Variants in NTRK2 observed in about 807,000 individuals in gnomAD.
NTRK2 encodes the protein neurotrophic receptor tyrosine kinase 2, also known as BDNF/NT-3 growth factors receptor.
Under a neutral mutation model 94.5 loss-of-function variants are expected in NTRK2, and 13 were observed. That is an observed-to-expected ratio of 0.14 (90% confidence interval 0.09 to 0.22). NTRK2 has a LOEUF of 0.22. Ranked by LOEUF, NTRK2 falls within the 10% of genes least tolerant of loss-of-function variation. The pLI is 1.00. For missense variants in NTRK2, 639 were observed against 1,071.2 expected, an observed-to-expected ratio of 0.60 and a Z score of 5.63; for synonymous variants, 372 against 407.4, an observed-to-expected ratio of 0.91 and a Z score of 1.05.
At position 84,707,818 on chromosome 9, in the gene NTRK2, T is replaced by C. The variant is rs199672014; in HGVS notation, c.360-26T>C. On this transcript the variant is annotated intron_variant, in intron 4 of 18. Coordinates refer to ENST00000277120, the MANE Select transcript of NTRK2 (RefSeq NM_006180.6). ...CCTAAAATGTAACATTTTAAATTCA[T>C]GTTTAATGTTTTTGATTCCTTTCAG... 5 of 1,566,472 alleles carry C rather than the reference T, an allele frequency of 3.2e-6. No individual in the cohort carries two copies. In the East Asian group the frequency reaches 6.7e-5, roughly 21 times the overall value.
intron 12 of NTRK2, among the ~76,000 whole-genome samples, chr9:84,777,687 C>T (rs78691757): frequency 0.018 from 2,791 of 152,198 alleles, 102 homozygotes; most frequent in African/African-American, 0.064. Flanking sequence ...ACATTCCCAC[C>T]ATGAAGTCAG....
chr9:84,795,855 G>A (rs2069255203), intron 12 of NTRK2, among the ~76,000 whole-genome samples: 1 of 152,120 alleles, frequency 6.6e-6, no homozygotes, highest in Non-Finnish European at 1.5e-5. Flanking sequence ...GCTCTCCTAT[G>A]GCTCTGTTGG....
intron 12 of NTRK2, among the ~76,000 whole-genome samples, chr9:84,793,967 C>A (rs1280667697): frequency 6.6e-6 from 1 of 152,192 alleles, no homozygotes. Flanking sequence ...TGGCCCTTTG[C>A]AGAAAAAACT....
chr9:84,805,275 G>C (rs1233903427), intron 12 of NTRK2, among the ~76,000 whole-genome samples: 2 of 152,108 alleles, frequency 1.3e-5, no homozygotes, highest in African/African-American at 4.8e-5. Flanking sequence ...TCCTTTAAAA[G>C]CCTTCCTGAC....
chr9:84,675,323 C>CTTTTTTT (rs1564023863), intron 2 of NTRK2, among the ~76,000 whole-genome samples: 5 of 69,556 alleles, frequency 7.2e-5, no homozygotes, highest in African/African-American at 2.8e-4. Context: ...TTCTTTCTTT[C>CTTTTTTT]CTTTTTTTTT....
intron 12 of NTRK2, among the ~76,000 whole-genome samples, chr9:84,849,357 A>C (rs566053838): frequency 6.2e-4 from 94 of 152,188 alleles, no homozygotes; most frequent in Non-Finnish European, 1.1e-3. Context: ...ATTTCTGCTT[A>C]CTTTTTCATT....
At chr9:84,807,359 A>G (rs897337966) in intron 12 of NTRK2, among the ~76,000 whole-genome samples, 2 of 152,168 alleles carry the variant, frequency 1.3e-5, no homozygotes, top group Admixed American at 1.3e-4. Flanking sequence ...AAATCAGCAA[A>G]TAGCAGAGGT....
At chr9:84,692,885 A>G (rs1304815630) in intron 2 of NTRK2, among the ~76,000 whole-genome samples, 1 of 152,086 alleles carries the variant, frequency 6.6e-6, no homozygotes. Context: ...GATTAGTTGG[A>G]GCATTAAAGT....
In NTRK2 at chr9:84,926,106, TTTCCTTCCTTCCTTCCTTCC is replaced by T. The variant is rs1197073231; in HGVS notation, c.1634-8009_1634-7990del. Among the ~76,000 whole-genome samples the T allele has an allele frequency of 1.0e-3, 109 of 108,804 alleles. 2 individuals are homozygous for T. The highest frequency in any genetic ancestry group is 2.7e-3 in the South Asian group (8 of 2,982). The allele number at this position is 108,804 out of a possible 152,430, so 71.4% of individuals were successfully genotyped here. On this transcript the variant is annotated intron_variant, in intron 14 of 18. Transcript: ENST00000277120. ...TTCCCTTCCTTCCTTCCTTCCTTCC[TTTCCTTCCTTCCTTCCTTCC>T]TTCCTTCCTTCCTTCCTTCCTTCCT...
At chr9:84,939,783 G>A (rs2078342083) in intron 15 of NTRK2, among the ~76,000 whole-genome samples, 1 of 152,080 alleles carries the variant, frequency 6.6e-6, no homozygotes, top group South Asian at 2.1e-4. Flanking sequence ...CTACCTATGG[G>A]TATCCCAGCT....
Position 84,959,337 on chromosome 9 carries a change from G to A in NTRK2, c.2172+3820G>A, listed in dbSNP as rs138058100. On this transcript the variant is annotated intron_variant, in intron 17 of 18. Transcript: ENST00000277120. ...TTTTCTGACCAGGGCTATCTTATGT[G>A]GAAGAATGGTGATTGGGCATGGAGT... 1.1e-3 allele frequency among the ~76,000 whole-genome samples: 172 copies of A among 152,216 alleles called. 2 individuals are homozygous for A. The highest frequency in any genetic ancestry group is 4.0e-3 in the African/African-American group (166 of 41,536).
chr9:84,687,822 C>T (rs934279191), intron 2 of NTRK2, among the ~76,000 whole-genome samples: 3 of 152,142 alleles, frequency 2.0e-5, no homozygotes, highest in Admixed American at 6.5e-5. Context: ...TAGGCCAGCT[C>T]CTACCATTTA....
At chr9:84,902,619 A>G (rs1007603450) in intron 14 of NTRK2, among the ~76,000 whole-genome samples, 1 of 152,226 alleles carries the variant, frequency 6.6e-6, no homozygotes, top group African/African-American at 2.4e-5. Context: ...GGAAGCAGGC[A>G]AACGAATCCA....
At chr9:84,750,371 C>T (rs140040156) in intron 11 of NTRK2, among the ~76,000 whole-genome samples, 106 of 152,262 alleles carry the variant, frequency 7.0e-4, no homozygotes, top group African/African-American at 2.4e-3. Context: ...AACCACTTAA[C>T]CACAAGCAAG....
rs754700294 is a variant in NTRK2, at chr9:84,861,068, A to G, written c.1425A>G (p.Val475=). Reference sequence around the variant, plus strand: ...TCTCATGGTTTGGATTTGGGAAAGTAAAATCAAGACAAGGTGTTGGTAAGT... The same window carrying G: ...TCTCATGGTTTGGATTTGGGAAAGTGAAATCAAGACAAGGTGTTGGTAAGT... The part of the protein sequence containing the change: ...KDFSWFGFGK[V]KSRQGVGPAS... The change falls in exon 13 of 19, where the codon GTA becomes GTG. Residue 475 remains valine (V), a synonymous_variant. Transcript: ENST00000277120. The G allele has an allele frequency of 5.6e-6, 9 of 1,613,274 alleles. No homozygotes were observed. The highest frequency in any genetic ancestry group is 2.2e-5 in the South Asian group (2 of 91,048).
At chr9:84,777,475 A>C (rs1302630167) in intron 12 of NTRK2, among the ~76,000 whole-genome samples, 3 of 152,222 alleles carry the variant, frequency 2.0e-5, no homozygotes, top group African/African-American at 7.2e-5. Context: ...TGAAACTTTC[A>C]GAAATATTGT....
intron 2 of NTRK2, among the ~76,000 whole-genome samples, chr9:84,679,598 CT>C (rs1475334374): frequency 3.5e-4 from 53 of 152,280 alleles, no homozygotes; most frequent in Admixed American, 8.5e-4. Context: ...CCTCACCAGC[CT>C]GACTGATTTC....
chr9:84,676,450 A>G (rs2059059774), intron 2 of NTRK2, among the ~76,000 whole-genome samples: 1 of 152,216 alleles, frequency 6.6e-6, no homozygotes, highest in South Asian at 2.1e-4. Context: ...GTGGCATGTT[A>G]GTACTGGTCT....
intron 13 of NTRK2, among the ~76,000 whole-genome samples, chr9:84,866,355 T>C (rs1410090323): frequency 1.3e-5 from 2 of 152,218 alleles, no homozygotes; most frequent in Non-Finnish European, 2.9e-5. Flanking sequence ...CTCGTTCTAG[T>C]GTCATAAAAT....
Sources: allele counts gnomAD v4.1 joint callset (sites outside exome capture counted in the v4.1 genomes callset), GRCh38; gene constraint gnomAD v4.1.1; transcripts MANE v1.5; gene names NCBI Gene and HGNC (gene_info 2026-07-23, HGNC 2026-07-21).